USP37: variants seen among roughly 807,000 people sequenced by gnomAD.
USP37 encodes ubiquitin specific peptidase 37.
USP37 carries 27 observed loss-of-function variants against 124.0 expected under a neutral mutation model. That is an observed-to-expected ratio of 0.22 (90% CI 0.16 to 0.30). The LOEUF is 0.30. USP37 is among the 10% of genes least tolerant of loss of function. USP37 has a pLI of 1.00. For synonymous variants in USP37, 365 were observed against 388.0 expected (o/e 0.94, Z 0.70); for missense variants, 889 against 1,140.4 (o/e 0.78, Z 3.17).
chr2:218,512,761 TATGTG>T (rs1156873622), intron 10 of USP37, among the ~76,000 whole-genome samples: 1 of 152,198 alleles, frequency 6.6e-6, no homozygotes, highest in Non-Finnish European at 1.5e-5. Flanking sequence ...CTTTGGATAA[TATGTG>T]ATGTATCTAT....
intron 9 of USP37, among the ~76,000 whole-genome samples, 176 bp from the exon 10 acceptor site, chr2:218,530,216 G>GT (rs999090236): frequency 1.3e-5 from 2 of 151,914 alleles, no homozygotes; most frequent in African/African-American, 2.4e-5. Flanking sequence ...GATATTGCAG[G>GT]TTTTTTTGTA....
intron 1 of USP37, 66 bp from the exon 2 acceptor site, chr2:218,562,879 G>C: frequency 2.5e-6 from 1 of 393,390 alleles, no homozygotes. Context: ...TTAAAAGAAA[G>C]TGGGCTGGGC....
chr2:218,518,579 T>C (rs1690426839), intron 10 of USP37, among the ~76,000 whole-genome samples: 2 of 152,206 alleles, frequency 1.3e-5, no homozygotes, highest in South Asian at 2.1e-4. Context: ...TGGCTTAGAA[T>C]TTTTACTTCT....
At chr2:218,459,206 A>AT (rs1030620176) in intron 23 of USP37, among the ~76,000 whole-genome samples, 1 of 151,620 alleles carries the variant, frequency 6.6e-6, no homozygotes, top group Non-Finnish European at 1.5e-5. Flanking sequence ...ACTAAAGGTA[A>AT]TTTTTTCCCC....
intron 8 of USP37, among the ~76,000 whole-genome samples, chr2:218,535,342 G>A (rs1419413598): frequency 2.0e-5 from 3 of 150,812 alleles, no homozygotes; most frequent in Non-Finnish European, 4.4e-5. Context: ...CTCCAGCTTG[G>A]GCAACAGAGT....
chr2:218,475,243 T>G (rs1444746756), intron 19 of USP37, among the ~76,000 whole-genome samples: 1 of 152,240 alleles, frequency 6.6e-6, no homozygotes, highest in Non-Finnish European at 1.5e-5. Context: ...GTAAATATTC[T>G]ATCATTATGC....
intron 8 of USP37, among the ~76,000 whole-genome samples, chr2:218,535,378 A>T (rs1279381568): frequency 6.7e-6 from 1 of 149,604 alleles, no homozygotes; most frequent in Non-Finnish European, 1.5e-5. Context: ...AAAAAAAAAA[A>T]AGTACAATGT....
At chr2:218,544,253 G>A (rs886415717) in intron 8 of USP37, among the ~76,000 whole-genome samples, 4 of 151,078 alleles carry the variant, frequency 2.6e-5, no homozygotes, top group Non-Finnish European at 5.9e-5. Flanking sequence ...GGTGGCACAC[G>A]CTTGTAGTCC....
intron 11 of USP37, among the ~76,000 whole-genome samples, chr2:218,508,307 CT>C (rs1161175478): frequency 6.6e-6 from 1 of 150,586 alleles, no homozygotes; most frequent in Non-Finnish European, 1.5e-5. Context: ...GTTCTTAGTC[CT>C]GAGTACTTAC....
chr2:218,495,789 A>T lies in USP37; in HGVS notation c.1443T>A (p.Phe481Leu). 2 of 1,612,816 alleles carry T rather than the reference A, an allele frequency of 1.2e-6. No individual in the cohort carries two copies. Among genetic ancestry groups the T allele is most frequent in the Non-Finnish European group, 1.7e-6 (2 of 1,179,818 alleles). Reference sequence around the variant, plus strand: ...TACAAATGATGGAGTGCTGAACCTCAAACTCCAAATTAGTAATAACAGGGC... The same window carrying T: ...TACAAATGATGGAGTGCTGAACCTCTAACTCCAAATTAGTAATAACAGGGC... ...YTCPVITNLE[F>L]EVQHSIICKA... The change falls in exon 14 of 26, where the codon TTT (phenylalanine) becomes TTA (leucine). Residue 481 changes from phenylalanine (F) to leucine (L), a missense_variant. This residue lies in a region of USP37 where 504 missense variants were observed against 714.3 expected (regional missense o/e 0.71). Coordinates refer to ENST00000258399, the MANE Select transcript of USP37 (RefSeq NM_020935.3).
chr2:218,504,476 A>G (rs1689573503), intron 11 of USP37, among the ~76,000 whole-genome samples: 1 of 152,168 alleles, frequency 6.6e-6, no homozygotes, highest in Admixed American at 6.5e-5. Flanking sequence ...CTTAGGCTGG[A>G]GCACAGTGGC....
intron 9 of USP37, among the ~76,000 whole-genome samples, chr2:218,533,102 A>G (rs1691425431): frequency 6.6e-6 from 1 of 152,084 alleles, no homozygotes; most frequent in Admixed American, 6.5e-5. Flanking sequence ...TACATCTGCA[A>G]TATCTCTGAA....
chr2:218,529,235 A>G (rs975874779), intron 10 of USP37, among the ~76,000 whole-genome samples: 4 of 152,166 alleles, frequency 2.6e-5, no homozygotes, highest in Non-Finnish European at 4.4e-5. Flanking sequence ...GTCGGATGCG[A>G]TGGCTCACGC....
At chr2:218,507,251 T>C (rs1448501094) in intron 11 of USP37, among the ~76,000 whole-genome samples, 2 of 151,986 alleles carry the variant, frequency 1.3e-5, no homozygotes, top group African/African-American at 4.8e-5. Context: ...TCTGCCTCCC[T>C]GGTTCAAGTG....
intron 18 of USP37, 41 bp from the exon 19 acceptor site, chr2:218,477,022 G>A: frequency 6.9e-7 from 1 of 1,455,792 alleles, no homozygotes; most frequent in East Asian, 2.5e-5. Context: ...ATAAACATTT[G>A]TCTTTGTTAT....
At chr2:218,567,055 G>A (rs1392575174) in intron 1 of USP37, among the ~76,000 whole-genome samples, 1 of 152,034 alleles carries the variant, frequency 6.6e-6, no homozygotes, top group Non-Finnish European at 1.5e-5. Context: ...AAAGGGAATA[G>A]GCTGGAAATA....
At chr2:218,473,938 G>C (rs1690826987) in intron 20 of USP37, among the ~76,000 whole-genome samples, 1 of 152,142 alleles carries the variant, frequency 6.6e-6, no homozygotes, top group Non-Finnish European at 1.5e-5. Context: ...TAGCTCCTGG[G>C]CTATAAACCT....
At chr2:218,549,621 C>T (rs954532178) in intron 6 of USP37, among the ~76,000 whole-genome samples, 188 bp downstream of exon 6, 4 of 152,000 alleles carry the variant, frequency 2.6e-5, no homozygotes, top group African/African-American at 7.2e-5. Flanking sequence ...TGTGCCACCA[C>T]GCCTGGCTAA....
At chr2:218,485,158 T>A (rs1691486172) in intron 16 of USP37, among the ~76,000 whole-genome samples, 1 of 152,128 alleles carries the variant, frequency 6.6e-6, no homozygotes, top group South Asian at 2.1e-4. Context: ...CAACAAAATA[T>A]AACTGAATAT....
Sources: allele counts gnomAD v4.1 joint callset (sites outside exome capture counted in the v4.1 genomes callset), GRCh38; gene constraint gnomAD v4.1.1; regional missense constraint gnomAD v4.1.1; transcripts MANE v1.5; gene names NCBI Gene and HGNC (gene_info 2026-07-23, HGNC 2026-07-21).